The following COL5A3 variants were observed in gnomAD, a reference collection of about 807,000 sequenced individuals.
The protein encoded by COL5A3 is collagen type V alpha 3 chain.
COL5A3 carries 172 observed loss-of-function variants against 250.0 expected under a neutral mutation model. The ratio of observed to expected loss-of-function variants is 0.69; its 90% confidence interval spans 0.61 to 0.78. COL5A3 has a LOEUF of 0.78. Among genes scored for constraint, COL5A3 ranks in the 30% least tolerant of loss-of-function variants. The pLI is 0.00. For synonymous variants in COL5A3, 937 were observed against 900.4 expected (o/e 1.04, Z -0.73); for missense variants, 2,340 against 2,334.4 (o/e 1.00, Z -0.05).
Position 9,986,703 on chromosome 19 carries a change from T to A in COL5A3, c.2190+11A>T. ...ACTCCCTCTCCTCTGATGAGTTCCT[T>A]CTCTCCTCACCTTCTCGCCTTTCTC... On this transcript the variant is annotated intron_variant, in intron 28 of 66. Coordinates refer to ENST00000264828, the MANE Select transcript of COL5A3 (RefSeq NM_015719.4). 1 of 1,613,668 alleles carries A rather than the reference T, an allele frequency of 6.2e-7. No homozygotes were observed. The highest frequency in any genetic ancestry group is 1.6e-4 in the Middle Eastern group (1 of 6,062).
rs138830955 is a variant in COL5A3, at chr19:9,997,280, C to T, written c.1263+91G>A. ...AGCCCCGGGATGGTGTTCCCGAGTG[C>T]CACACCCTCATATCTATGTTCAGAC... On this transcript the variant is annotated intron_variant, in intron 11 of 66. Coordinates refer to ENST00000264828, the MANE Select transcript of COL5A3 (RefSeq NM_015719.4). 4.7e-4 allele frequency: 454 copies of T among 970,552 alleles called. 5 individuals are homozygous for T. In the African/African-American group the frequency reaches 6.3e-3, roughly 14 times the overall value. The allele number at this position is 970,552 out of a possible 1,614,324, so 60.1% of individuals were successfully genotyped here.
chr19:9,961,040 C>G (rs992753956), intron 65 of COL5A3, 150 bp from the exon 66 acceptor site: 9 of 906,726 alleles, frequency 9.9e-6, no homozygotes, highest in African/African-American at 3.4e-5. Flanking sequence ...CTAGAGATCC[C>G]TGGCAGAATC....
chr19:10,002,034 G>C (rs1353113870), intron 6 of COL5A3, among the ~76,000 whole-genome samples, 153 bp from the exon 7 acceptor site: 1 of 152,190 alleles, frequency 6.6e-6, no homozygotes, highest in Admixed American at 6.5e-5. Flanking sequence ...AGACAAAAGT[G>C]TGCCAGCTGG....
chr19:9,960,348 G>C lies in COL5A3; in HGVS notation c.*63C>G, dbSNP rs1599520209. ...TAACGAAAAATACGGTGGCTTCAAA[G>C]CCTCAGCACCAAATGCACCCCATTC... On this transcript the variant is annotated 3_prime_UTR_variant, in exon 67 of 67. Coordinates refer to ENST00000264828, the MANE Select transcript of COL5A3 (RefSeq NM_015719.4). 5 of 1,597,740 alleles carry C rather than the reference G, an allele frequency of 3.1e-6. No individual in the cohort carries two copies. In the East Asian group the frequency reaches 1.1e-4, roughly 36 times the overall value.
At chr19:9,977,947 CATATATATATAT>C (rs372091609) in intron 41 of COL5A3, among the ~76,000 whole-genome samples, 4,687 of 106,086 alleles carry the variant, frequency 0.044, 175 homozygotes, top group Middle Eastern at 0.095. Context: ...GCAGCCTATA[CATATATATATAT>C]ATATATATAT....
chr19:9,974,108 T>A lies in COL5A3; in HGVS notation c.3504+63A>T, dbSNP rs1458597768. 2.6e-6 allele frequency: 4 copies of A among 1,564,058 alleles called. No individual in the cohort carries two copies. In the South Asian group the frequency reaches 4.7e-5, roughly 18 times the overall value. On this transcript the variant is annotated intron_variant, in intron 47 of 66. Transcript: ENST00000264828. ...GACAATGTCCCTCAAATGAATCTAA[T>A]GCCTGCCGCCAACCTATAACCCCAC...
At chr19:10,008,677 C>G (rs1490087563) in intron 1 of COL5A3, among the ~76,000 whole-genome samples, 4 of 152,158 alleles carry the variant, frequency 2.6e-5, no homozygotes, top group African/African-American at 7.2e-5. Context: ...AATAGCTGGG[C>G]ATATGTCGTT....
rs1305462789 is a variant in COL5A3 at position 9,960,045 on chromosome 19, G to A, written c.*366C>T. 23 of 266,632 alleles carry A rather than the reference G, an allele frequency of 8.6e-5. No individual in the cohort carries two copies. The East Asian group carries it at 1.1e-3, about 13-fold the overall frequency. 16.5% of individuals were successfully genotyped at this position (266,632 alleles called of 1,614,324 possible). A position where few individuals can be genotyped will look rare whatever the true frequency, so the allele number is the denominator to read the frequency against. ...AGCACCAAAAGGTGTGAAGGGCAGC[G>A]ACGGAGGAGTGAGGAGGCAGGCATT... On this transcript the variant is annotated 3_prime_UTR_variant, in exon 67 of 67. Transcript: ENST00000264828.
intron 64 of COL5A3, among the ~76,000 whole-genome samples, chr19:9,965,493 A>C (rs2086730921): frequency 1.5e-5 from 2 of 136,886 alleles, no homozygotes; most frequent in African/African-American, 2.8e-5. Context: ...TCACTCTGTC[A>C]CCCAGGCTGG....
chr19:10,005,860 C>A lies in COL5A3; in HGVS notation c.373G>T (p.Ala125Ser), dbSNP rs933831207. The change falls in exon 3 of 67, where the codon GCG (alanine) becomes TCG (serine). Residue 125 changes from alanine (A) to serine (S), a missense_variant. By Grantham distance (99) the Ala-to-Ser change is moderately conservative (BLOSUM62 1). Around this residue, in one of 3 missense-constraint regions of COL5A3, gnomAD observed 1,152 missense variants for 1,146.3 expected, o/e 1.00. Transcript: ENST00000264828. ...AAGGGGTCACCTAGGAGACCCAGCG[C>A]TGGCCCCAGTGCCAGGCCCAACTGC... Reference protein sequence around the residue: ...ARQLGLALGPALGLLGDPFRP... With the variant: ...ARQLGLALGPSLGLLGDPFRP... 1 of 1,613,836 alleles carries A rather than the reference C, an allele frequency of 6.2e-7. No individual in the cohort carries two copies. The highest frequency in any genetic ancestry group is 1.3e-5 in the African/African-American group (1 of 75,072).
intron 22 of COL5A3, 58 bp from the exon 23 acceptor site, chr19:9,991,899 G>A: frequency 6.3e-7 from 1 of 1,586,150 alleles, no homozygotes; most frequent in South Asian, 1.1e-5. Flanking sequence ...TGGGGCGTTA[G>A]TGAAATTGAC....
chr19:9,986,767 T>TAA lies in COL5A3; in HGVS notation c.2146-11_2146-10dup, dbSNP rs34667697. ...CGGTTGCCTGAAGTGCCCTGGAAAA[T>TAA]AAAAAAAAAAAGCTCTCAAGCCTCT... On this transcript the variant is annotated splice_polypyrimidine_tract_variant and intron_variant, in intron 27 of 66. Transcript: ENST00000264828. The TAA allele has an allele frequency of 0.25, 365,840 of 1,463,886 alleles. 11,677 individuals are homozygous for TAA. Among genetic ancestry groups the TAA allele is most frequent in the African/African-American group, 0.49 (34,855 of 71,452 alleles). 90.7% of individuals were successfully genotyped at this position (1,463,886 alleles called of 1,614,324 possible).
Position 9,996,083 on chromosome 19 carries a change from C to A in COL5A3, c.1516G>T (p.Gly506Ter), listed in dbSNP as rs1253650332. 1 of 1,583,566 alleles carries A rather than the reference C, an allele frequency of 6.3e-7. No homozygotes were observed. The highest frequency in any genetic ancestry group is 1.2e-5 in the South Asian group (1 of 85,914). The change falls in exon 15 of 67, where the codon GGA becomes TGA. Residue 506 changes from glycine to a stop codon, truncating the protein, a stop_gained. Transcript: ENST00000264828. LOFTEE classifies it high-confidence loss of function. ...PGHPGLKGEE[G>*]AEGPQGPRGL... ...AGTCTCACCTGTGGCCCTTCTGCTC[C>A]CTCCTCTCCTTTCAGACCTGGATGC... is the stretch of plus-strand genomic sequence containing the variant.
At chr19:9,993,933 G>T (rs565654280) in intron 16 of COL5A3, 127 bp from the exon 17 acceptor site, 3 of 810,640 alleles carry the variant, frequency 3.7e-6, no homozygotes, top group African/African-American at 1.7e-5. Context: ...TGTCACTCAG[G>T]TTGGAGTGCA....
Position 10,006,100 on chromosome 19 carries a change from C to T in COL5A3, c.220G>A (p.Gly74Ser), listed in dbSNP as rs143826566. Reference protein sequence around the residue: ...AFRIGQASTLGIPTWELFPEG... With the variant: ...AFRIGQASTLSIPTWELFPEG... ...GGAAAGAGTTCCCACGTGGGGATGCCGAGCGTGCTGGCCTGGCCAATTCTG... is the reference window on the plus strand; with the variant it reads ...GGAAAGAGTTCCCACGTGGGGATGCTGAGCGTGCTGGCCTGGCCAATTCTG... The change falls in exon 2 of 67, where the codon GGC (glycine) becomes AGC (serine). Residue 74 changes from glycine to serine, a missense_variant. Around this residue, in one of 3 missense-constraint regions of COL5A3, gnomAD observed 1,152 missense variants for 1,146.3 expected, o/e 1.00. Coordinates refer to ENST00000264828, the MANE Select transcript of COL5A3 (RefSeq NM_015719.4). 1.7e-3 allele frequency: 2,802 copies of T among 1,613,944 alleles called. 7 individuals carry two copies. Among genetic ancestry groups the T allele is most frequent in the Non-Finnish European group, 2.2e-3 (2,603 of 1,179,908 alleles).
At chr19:9,977,780 T>C in intron 41 of COL5A3, 79 bp from the exon 42 acceptor site, 1 of 1,169,874 alleles carries the variant, frequency 8.5e-7, no homozygotes, top group Non-Finnish European at 1.2e-6. Context: ...CACCAGGCAC[T>C]GAGTTCTGAG....
intron 34 of COL5A3, 31 bp downstream of exon 34, chr19:9,980,774 TG>T (rs769101026): frequency 3.1e-6 from 5 of 1,613,236 alleles, no homozygotes; most frequent in Non-Finnish European, 3.4e-6. Flanking sequence ...GCCTGGGGCA[TG>T]GGGGGCCTTG....
Position 10,003,657 on chromosome 19 carries a change from T to C in COL5A3, c.757A>G (p.Arg253Gly). 6.2e-7 allele frequency: 1 copy of C among 1,614,168 alleles called. No individual in the cohort carries two copies. Among genetic ancestry groups the C allele is most frequent in the Non-Finnish European group, 8.5e-7 (1 of 1,180,022 alleles). Residue 253 changes from arginine (R) to glycine (G), a missense_variant, in exon 6 of 67, where the codon AGG becomes GGG. Physicochemically the swap from Arg to Gly is moderately radical, Grantham distance 125. This residue lies in a region of COL5A3 where 1,152 missense variants were observed against 1,146.3 expected (regional missense o/e 1.00). Coordinates refer to ENST00000264828, the MANE Select transcript of COL5A3 (RefSeq NM_015719.4). The part of the protein sequence containing the change: ...RPRRKGKGKG[R>G]KKGRGRKGKG... ...CCCTTGCGACCTCGCCCTTTCTTCCTCCCTTTTCCCTTCCCCTTCCGCCGA... is the reference window on the plus strand; with the variant it reads ...CCCTTGCGACCTCGCCCTTTCTTCCCCCCTTTTCCCTTCCCCTTCCGCCGA...
intron 15 of COL5A3, 74 bp from the exon 16 acceptor site, chr19:9,995,691 A>C: frequency 8.4e-7 from 1 of 1,190,698 alleles, no homozygotes. Flanking sequence ...TATTAAAAAA[A>C]ATTAGAGATG....
Sources: gnomAD v4.1 joint callset for allele counts (sites outside exome capture counted in the v4.1 genomes callset) on GRCh38, gnomAD v4.1.1 for gene constraint, gnomAD v4.1.1 regional missense constraint, MANE v1.5 for transcripts, NCBI Gene and HGNC (gene_info 2026-07-23, HGNC 2026-07-21) for gene names.